The following SMAD1 variants were observed in gnomAD, a reference collection of about 807,000 sequenced individuals.
The protein encoded by SMAD1 is SMAD family member 1.
A neutral mutation model predicts 41.6 loss-of-function variants in SMAD1; 6 were observed. The ratio of observed to expected loss-of-function variants is 0.14; its 90% CI spans 0.08 to 0.28. The LOEUF (loss-of-function observed/expected upper bound fraction) is 0.28, where lower values mean the gene tolerates loss of function less well. Ranked by LOEUF, SMAD1 falls within the 10% of genes least tolerant of loss-of-function variation. SMAD1 has a pLI of 1.00. For missense variants in SMAD1, 379 were observed against 582.6 expected (o/e 0.65, Z 3.60); for synonymous variants, 206 against 203.2 (o/e 1.01, Z -0.12).
At chr4:145,523,787 A>C (rs1423234730) in intron 2 of SMAD1, among the ~76,000 whole-genome samples, 2 of 152,106 alleles carry the variant, frequency 1.3e-5, no homozygotes, top group African/African-American at 4.8e-5. Flanking sequence ...GGCTTCTGGC[A>C]GGAGGGGTGC....
At position 145,519,038 on chromosome 4, in the gene SMAD1, C is replaced by CT. The variant is rs1302228774; in HGVS notation, c.400+4033dup. ...TATTTCTTTCTTTTTCTTTTTTTCT[C>CT]TTTTTTTTACTGCCTATTCTCTGAA... On this transcript the variant is annotated intron_variant, in intron 2 of 6. Coordinates refer to ENST00000302085, the MANE Select transcript of SMAD1 (RefSeq NM_005900.3). Among the ~76,000 whole-genome samples, 9 of 86,994 alleles carry CT rather than the reference C, an allele frequency of 1.0e-4. 1 individual carries two copies. Among genetic ancestry groups the CT allele is most frequent in the South Asian group, 4.1e-4 (1 of 2,462 alleles). The allele number at this position is 86,994 out of a possible 152,430, so 57.1% of individuals were successfully genotyped here.
chr4:145,532,476 GT>G (rs1468251286), intron 2 of SMAD1, among the ~76,000 whole-genome samples: 12 of 152,162 alleles, frequency 7.9e-5, no homozygotes, highest in Admixed American at 7.9e-4. Context: ...AAAGATTTGG[GT>G]TTTTACCAGA....
chr4:145,526,213 C>T (rs1731009779), intron 2 of SMAD1, among the ~76,000 whole-genome samples: 1 of 152,186 alleles, frequency 6.6e-6, no homozygotes, highest in Non-Finnish European at 1.5e-5. Flanking sequence ...TTATAAGGAG[C>T]ATTTGGACAG....
intron 6 of SMAD1, among the ~76,000 whole-genome samples, chr4:145,555,030 T>C (rs1338069274): frequency 6.6e-6 from 1 of 152,206 alleles, no homozygotes; most frequent in East Asian, 1.9e-4. Flanking sequence ...TTCCTACTTA[T>C]TTAAAGCATC....
rs199902953 is a variant in SMAD1 at position 145,545,212 on chromosome 4, T to G, written c.776-1491T>G. The G allele has an allele frequency of 4.6e-5, 7 of 152,222 alleles. No individual in the cohort carries two copies. In the East Asian group the frequency reaches 1.2e-3, roughly 25 times the overall value. The allele number at this position is 152,222 out of a possible 1,614,324, so 9.4% of individuals were successfully genotyped here. A position where few individuals can be genotyped will look rare whatever the true frequency, so the allele number is the denominator to read the frequency against. ...TCATTACATATTGTCTATGACTGCT[T>G]CTGTGTTACAAGGGCAGAATTGGAT... On this transcript the variant is annotated intron_variant, in intron 4 of 6. Transcript: ENST00000302085.
chr4:145,551,239 TC>T (rs1321239089), intron 5 of SMAD1, among the ~76,000 whole-genome samples: 1 of 152,160 alleles, frequency 6.6e-6, no homozygotes. Flanking sequence ...GCATAGCAAA[TC>T]AGTAGAGTCT....
At chr4:145,519,511 G>T (rs145779601) in intron 2 of SMAD1, among the ~76,000 whole-genome samples, 4 of 148,058 alleles carry the variant, frequency 2.7e-5, no homozygotes, top group Non-Finnish European at 4.4e-5. Flanking sequence ...TTTAATTAGC[G>T]AGGCATGGTG....
At chr4:145,532,994 T>A (rs995840299) in intron 2 of SMAD1, among the ~76,000 whole-genome samples, 1 of 152,268 alleles carries the variant, frequency 6.6e-6, no homozygotes, top group Admixed American at 6.5e-5. Context: ...TATTCTTTAC[T>A]GAAATCTTGC....
intron 5 of SMAD1, among the ~76,000 whole-genome samples, chr4:145,553,198 A>G (rs901344384): frequency 1.3e-5 from 2 of 151,846 alleles, no homozygotes; most frequent in African/African-American, 2.4e-5. Flanking sequence ...GGCGTGAACA[A>G]CTGTGCCTGG....
chr4:145,497,768 T>C (rs924567727), intron 1 of SMAD1: 2 of 152,210 alleles, frequency 1.3e-5, no homozygotes, highest in Non-Finnish European at 2.9e-5. Context: ...CTATAGGTGA[T>C]GCTTGCTTAT....
At chr4:145,497,449 A>C (rs1483652738) in intron 1 of SMAD1, 1 of 152,160 alleles carries the variant, frequency 6.6e-6, no homozygotes, top group African/African-American at 2.4e-5. Flanking sequence ...ACACTTCATA[A>C]CCATAAGCTT....
At chr4:145,551,214 TG>T (rs774237965) in intron 5 of SMAD1, among the ~76,000 whole-genome samples, 47 of 152,314 alleles carry the variant, frequency 3.1e-4, no homozygotes, top group South Asian at 1.4e-3. Flanking sequence ...AAAAATATAA[TG>T]TATGTTAAAT....
At chr4:145,512,979 A>G (rs1410501089) in intron 1 of SMAD1, among the ~76,000 whole-genome samples, 1 of 152,180 alleles carries the variant, frequency 6.6e-6, no homozygotes, top group Non-Finnish European at 1.5e-5. Context: ...ATATTCCTCC[A>G]GGAGCTTCCA....
chr4:145,552,775 G>A (rs955145733), intron 5 of SMAD1, among the ~76,000 whole-genome samples: 13 of 152,004 alleles, frequency 8.6e-5, no homozygotes, highest in South Asian at 2.1e-4. Context: ...ATGCAAGAGC[G>A]CTTTATAGTA....
chr4:145,492,755 T>G (rs1728842752), intron 1 of SMAD1, among the ~76,000 whole-genome samples: 1 of 152,188 alleles, frequency 6.6e-6, no homozygotes, highest in Non-Finnish European at 1.5e-5. Flanking sequence ...CAGCCAACAG[T>G]CAATCATTAG....
In SMAD1 at chr4:145,540,070, G is replaced by C; in HGVS notation, c.658+9G>C. On this transcript the variant is annotated intron_variant, in intron 3 of 6. Transcript: ENST00000302085. ...CCCTTTCCAGATGCCAGGTAGGTTG[G>C]AATGTTCAGTGATGTTCTGTAGTCA... The C allele has an allele frequency of 6.2e-7, 1 of 1,613,918 alleles. No homozygotes were observed. Among genetic ancestry groups the C allele is most frequent in the Non-Finnish European group, 8.5e-7 (1 of 1,179,888 alleles).
At chr4:145,557,315 C>T (rs6829932) in intron 6 of SMAD1, among the ~76,000 whole-genome samples, 26,463 of 152,128 alleles carry the variant, frequency 0.17, 5,102 homozygotes, top group African/African-American at 0.47. Flanking sequence ...CCGTTTTGCT[C>T]AGAGATTGAA....
rs1732956195 is a variant in SMAD1 at position 145,558,219 on chromosome 4, A to G, written c.*285A>G. 2 of 248,526 alleles carry G rather than the reference A, an allele frequency of 8.0e-6. No individual in the cohort carries two copies. Among genetic ancestry groups the G allele is most frequent in the East Asian group, 1.5e-4 (2 of 13,544 alleles). 15.4% of individuals were successfully genotyped at this position (248,526 alleles called of 1,614,324 possible). On this transcript the variant is annotated 3_prime_UTR_variant, in exon 7 of 7. Coordinates refer to ENST00000302085, the MANE Select transcript of SMAD1 (RefSeq NM_005900.3). ...GACTTTGTGTACAGTTAAAGGAGAG[A>G]TGGCCAAGCCAGGGACAAATTGTCT...
At chr4:145,519,542 C>G (rs1436133434) in intron 2 of SMAD1, among the ~76,000 whole-genome samples, 1 of 150,238 alleles carries the variant, frequency 6.7e-6, no homozygotes, top group Non-Finnish European at 1.5e-5. Context: ...ATAGTCCTAC[C>G]TATTCAGAAG....
Sources: allele counts gnomAD v4.1 joint callset (sites outside exome capture counted in the v4.1 genomes callset), GRCh38; gene constraint gnomAD v4.1.1; transcripts MANE v1.5; gene names NCBI Gene and HGNC (gene_info 2026-07-23, HGNC 2026-07-21).